TMEM123: variants seen among roughly 807,000 people sequenced by gnomAD.
TMEM123 encodes the protein porimin.
Under a neutral mutation model 19.7 loss-of-function variants are expected in TMEM123, and 16 were observed. The ratio of observed to expected loss-of-function variants is 0.81; its 90% CI spans 0.55 to 1.23. The LOEUF (loss-of-function observed/expected upper bound fraction) is 1.23. Ranked by LOEUF, TMEM123 falls within the 50% of genes most tolerant of loss-of-function variation. The probability of loss-of-function intolerance (pLI) is 0.00; values close to 1 mark genes in which losing one functional copy is unlikely to be tolerated. For missense variants in TMEM123, 313 were observed against 257.8 expected (o/e 1.21, Z -1.47); for synonymous variants, 118 against 99.4 (o/e 1.19, Z -1.12).
intron 2 of TMEM123, among the ~76,000 whole-genome samples, chr11:102,437,476 T>A (rs2510494): frequency 0.91 from 124,266 of 136,574 alleles, 56,003 homozygotes; most frequent in East Asian, 0.98. Flanking sequence ...AAAAAAAAAA[T>A]TTTTTTTACG....
At chr11:102,401,446 A>AT in intron 4 of TMEM123, 93 bp downstream of exon 4, 2 of 1,171,664 alleles carry the variant, frequency 1.7e-6, no homozygotes, top group Non-Finnish European at 2.3e-6. Flanking sequence ...TCAATTATTC[A>AT]TCCCTGAGAT....
At chr11:102,411,899 G>A (rs1952008523) in intron 2 of TMEM123, among the ~76,000 whole-genome samples, 1 of 152,150 alleles carries the variant, frequency 6.6e-6, no homozygotes, top group South Asian at 2.1e-4. Context: ...GGGCACCCAA[G>A]GTATGTCTGA....
At chr11:102,429,850 T>G (rs1434012115) in intron 2 of TMEM123, among the ~76,000 whole-genome samples, 1 of 152,226 alleles carries the variant, frequency 6.6e-6, no homozygotes, top group East Asian at 1.9e-4. Context: ...TCACTTTTAT[T>G]ACCCTCTTTT....
chr11:102,407,132 G>A (rs1429771683), intron 2 of TMEM123, among the ~76,000 whole-genome samples: 1 of 152,174 alleles, frequency 6.6e-6, no homozygotes, highest in Non-Finnish European at 1.5e-5. Flanking sequence ...GCCTCTCTAG[G>A]CCTGATTCCA....
intron 1 of TMEM123, among the ~76,000 whole-genome samples, chr11:102,450,188 C>G (rs1857924086): frequency 6.6e-6 from 1 of 152,188 alleles, no homozygotes; most frequent in African/African-American, 2.4e-5. Flanking sequence ...ACACAACAGC[C>G]TGTTTTTGTT....
At chr11:102,405,055 CTTTTTTT>C (rs564579359) in intron 2 of TMEM123, among the ~76,000 whole-genome samples, 3 of 144,546 alleles carry the variant, frequency 2.1e-5, no homozygotes, top group Non-Finnish European at 3.1e-5. Flanking sequence ...TTTCTTTTTT[CTTTTTTT>C]TTTTGAGACA....
At position 102,398,539 on chromosome 11, in the gene TMEM123, T is replaced by C. The variant is rs550124413; in HGVS notation, c.*328A>G. 454 of 437,310 alleles carry C rather than the reference T, an allele frequency of 1.0e-3. 7 individuals are homozygous for C. Among genetic ancestry groups the C allele is most frequent in the Non-Finnish European group, 9.9e-5 (25 of 251,696 alleles). 27.1% of individuals were successfully genotyped at this position (437,310 alleles called of 1,614,324 possible). ...TGTATGCCCAGATGGCATTCTGTCT[T>C]TCAGTGATGACGTCTTTCAATTACT... is the stretch of plus-strand genomic sequence containing the variant. On this transcript the variant is annotated 3_prime_UTR_variant, in exon 5 of 5. Transcript: ENST00000398136.
intron 2 of TMEM123, among the ~76,000 whole-genome samples, chr11:102,405,077 C>A (rs1361952552): frequency 1.3e-5 from 2 of 150,360 alleles, no homozygotes; most frequent in African/African-American, 4.9e-5. Context: ...GAGACAGAGT[C>A]TTGCTCTGTT....
chr11:102,428,606 C>G (rs148087526), intron 2 of TMEM123, among the ~76,000 whole-genome samples: 4 of 151,314 alleles, frequency 2.6e-5, no homozygotes, highest in East Asian at 1.9e-4. Context: ...TGTGCCCGGC[C>G]CCCCCAAAAA....
At position 102,452,748 on chromosome 11, in the gene TMEM123, G is replaced by C. The variant is rs958269956; in HGVS notation, c.-125C>G. The C allele has an allele frequency of 7.2e-6, 5 of 695,942 alleles. No homozygotes were observed. Among genetic ancestry groups the C allele is most frequent in the Non-Finnish European group, 1.0e-5 (5 of 485,678 alleles). 43.1% of individuals were successfully genotyped at this position (695,942 alleles called of 1,614,324 possible). A position where few individuals can be genotyped will look rare whatever the true frequency, so the allele number is the denominator to read the frequency against. ...TTCGGCCGCGCACGTTTCCCCTCCCGCCGCTTGCCCCCCGAATGACCAAAT... is the reference window on the plus strand; with the variant it reads ...TTCGGCCGCGCACGTTTCCCCTCCCCCCGCTTGCCCCCCGAATGACCAAAT... On this transcript the variant is annotated 5_prime_UTR_variant, in exon 1 of 5. Coordinates refer to ENST00000398136, the MANE Select transcript of TMEM123 (RefSeq NM_052932.3).
At position 102,398,793 on chromosome 11, in the gene TMEM123, T is replaced by G. The variant is rs1951883298; in HGVS notation, c.*74A>C. 1 of 1,469,406 alleles carries G rather than the reference T, an allele frequency of 6.8e-7. No homozygotes were observed. The highest frequency in any genetic ancestry group is 9.4e-7 in the Non-Finnish European group (1 of 1,059,632). 91.0% of individuals were successfully genotyped at this position (1,469,406 alleles called of 1,614,324 possible). On this transcript the variant is annotated 3_prime_UTR_variant, in exon 5 of 5. Transcript: ENST00000398136. The stretch of plus-strand genomic sequence containing the variant: ...TATTTTCAAAAAGAGAATATTGTTT[T>G]AAACTATTAATAAACCAAAATTAAT...
At chr11:102,450,872 C>G (rs1395765727) in intron 1 of TMEM123, among the ~76,000 whole-genome samples, 1 of 152,206 alleles carries the variant, frequency 6.6e-6, no homozygotes, top group Non-Finnish European at 1.5e-5. Context: ...GGCTAAAAAT[C>G]ACTATACTTC....
chr11:102,441,865 G>T (rs1857830016), intron 2 of TMEM123, among the ~76,000 whole-genome samples: 1 of 151,540 alleles, frequency 6.6e-6, no homozygotes, highest in South Asian at 2.1e-4. Flanking sequence ...ATGATGAAGG[G>T]GATATCACCA....
chr11:102,408,847 T>A (rs551926921), intron 2 of TMEM123, among the ~76,000 whole-genome samples: 1 of 152,156 alleles, frequency 6.6e-6, no homozygotes, highest in Admixed American at 6.5e-5. Flanking sequence ...GCCCAGACCT[T>A]TTTCTGTTAA....
intron 2 of TMEM123, among the ~76,000 whole-genome samples, chr11:102,411,966 CCAGGAGGAAGATCTAT>C (rs1199422588): frequency 8.5e-5 from 13 of 152,240 alleles, no homozygotes; most frequent in Admixed American, 5.2e-4. Flanking sequence ...CCCTTCTGCC[CCAGGAGGAAGATCTAT>C]CTACCACCTA....
At chr11:102,438,373 CA>C (rs761465277) in intron 2 of TMEM123, among the ~76,000 whole-genome samples, 7 of 152,240 alleles carry the variant, frequency 4.6e-5, no homozygotes, top group Admixed American at 4.6e-4. Flanking sequence ...AATCACAACC[CA>C]AAATCATCTT....
At chr11:102,403,479 G>A (rs1313798240) in intron 2 of TMEM123, among the ~76,000 whole-genome samples, 1 of 152,054 alleles carries the variant, frequency 6.6e-6, no homozygotes, top group African/African-American at 2.4e-5. Flanking sequence ...ACAACTATAG[G>A]TACCTATTAG....
At chr11:102,442,520 A>G (rs1857838017) in intron 2 of TMEM123, among the ~76,000 whole-genome samples, 1 of 152,234 alleles carries the variant, frequency 6.6e-6, no homozygotes, top group African/African-American at 2.4e-5. Flanking sequence ...AACTCTCATT[A>G]AACAGGGTAT....
intron 2 of TMEM123, among the ~76,000 whole-genome samples, chr11:102,423,075 A>G (rs77644463): frequency 5.6e-4 from 85 of 152,340 alleles, no homozygotes; most frequent in African/African-American, 1.9e-3. Context: ...AAAGGTGTGT[A>G]TTTATGTTCA....
Sources: gnomAD v4.1 joint callset for allele counts (sites outside exome capture counted in the v4.1 genomes callset) on GRCh38, gnomAD v4.1.1 for gene constraint, MANE v1.5 for transcripts, NCBI Gene and HGNC (gene_info 2026-07-23, HGNC 2026-07-21) for gene names.